The following KCNK13 variants were observed in gnomAD, a reference collection of about 807,000 sequenced individuals.
KCNK13 encodes the protein potassium channel subfamily K member 13.
In KCNK13, 12 loss-of-function variants were observed where a neutral mutation model predicts 23.4. That is an observed-to-expected ratio of 0.51 (90% CI 0.33 to 0.83). KCNK13 has a LOEUF of 0.83. Among genes scored for constraint, KCNK13 ranks in the 40% least tolerant of loss-of-function variants. KCNK13 has a pLI of 0.02. For synonymous variants in KCNK13, 231 were observed against 229.5 expected, an observed-to-expected ratio of 1.01 and a Z score of -0.06; for missense variants, 463 against 556.3, an observed-to-expected ratio of 0.83 and a Z score of 1.69.
intron 1 of KCNK13, among the ~76,000 whole-genome samples, chr14:90,180,183 C>T (rs190227597): frequency 3.3e-5 from 5 of 152,258 alleles, no homozygotes; most frequent in African/African-American, 1.2e-4. Flanking sequence ...GTTTTTTTCT[C>T]ATTTGTCAAA....
chr14:90,149,786 G>C (rs139382444), intron 1 of KCNK13, among the ~76,000 whole-genome samples: 1 of 152,164 alleles, frequency 6.6e-6, no homozygotes, highest in Non-Finnish European at 1.5e-5. Context: ...AATTCAGAAG[G>C]CATTTTTAAG....
chr14:90,178,868 TA>T (rs879381197), intron 1 of KCNK13, among the ~76,000 whole-genome samples: 3 of 152,052 alleles, frequency 2.0e-5, no homozygotes, highest in Non-Finnish European at 2.9e-5. Flanking sequence ...GATTAAAGTC[TA>T]CAGGACACAA....
chr14:90,068,084 C>T (rs1889029107), intron 1 of KCNK13, among the ~76,000 whole-genome samples: 1 of 152,100 alleles, frequency 6.6e-6, no homozygotes, highest in African/African-American at 2.4e-5. Flanking sequence ...GCACATGCTT[C>T]CAGGATTGCT....
chr14:90,077,206 G>A (rs1889149099), intron 1 of KCNK13, among the ~76,000 whole-genome samples: 1 of 142,256 alleles, frequency 7.0e-6, no homozygotes. Flanking sequence ...TGCAGCCTCC[G>A]CCTCCCGGGT....
intron 1 of KCNK13, among the ~76,000 whole-genome samples, chr14:90,173,972 A>C (rs1683141540): frequency 6.6e-6 from 1 of 152,198 alleles, no homozygotes. Flanking sequence ...ACATGGCAGC[A>C]GGCAAGAGAA....
intron 1 of KCNK13, among the ~76,000 whole-genome samples, chr14:90,104,931 AG>A (rs1220434449): frequency 6.9e-5 from 10 of 145,928 alleles, no homozygotes; most frequent in African/African-American, 2.3e-4. Context: ...CTGGGATTAC[AG>A]GCATGCACCA....
intron 1 of KCNK13, among the ~76,000 whole-genome samples, chr14:90,092,322 A>G (rs1490656326): frequency 1.3e-5 from 2 of 152,224 alleles, no homozygotes; most frequent in Admixed American, 1.3e-4. Flanking sequence ...GGAGGTAGAG[A>G]GAAACCCACT....
intron 1 of KCNK13, among the ~76,000 whole-genome samples, chr14:90,173,530 C>T (rs879354929): frequency 3.3e-5 from 5 of 152,072 alleles, no homozygotes; most frequent in Non-Finnish European, 5.9e-5. Context: ...AAAATGTTAT[C>T]GAACTGAACT....
chr14:90,144,495 C>CTCTTTTT (rs1555352214), intron 1 of KCNK13, among the ~76,000 whole-genome samples: 53 of 119,226 alleles, frequency 4.4e-4, no homozygotes, highest in African/African-American at 1.6e-3. Flanking sequence ...TTTACTTTCT[C>CTCTTTTT]TTTTTTTTTT....
intron 1 of KCNK13, among the ~76,000 whole-genome samples, chr14:90,085,807 TTATATTATATATTA>T (rs58459819): frequency 1.6e-3 from 200 of 128,744 alleles, no homozygotes; most frequent in African/African-American, 4.5e-3. Context: ...ATATTATATA[TTATATTATATATTA>T]TATATTATAT....
intron 1 of KCNK13, among the ~76,000 whole-genome samples, chr14:90,142,537 C>T (rs1239555694): frequency 2.0e-5 from 3 of 151,294 alleles, no homozygotes; most frequent in African/African-American, 7.3e-5. Flanking sequence ...CCAGGATAGT[C>T]TCGATCTCCT....
intron 1 of KCNK13, among the ~76,000 whole-genome samples, chr14:90,133,002 C>T (rs531292158): frequency 4.4e-4 from 67 of 152,274 alleles, no homozygotes; most frequent in Non-Finnish European, 7.3e-4. Context: ...GCATGAGTCA[C>T]GGCTTCATAG....
At chr14:90,162,596 G>A (rs1045604454) in intron 1 of KCNK13, among the ~76,000 whole-genome samples, 1 of 152,128 alleles carries the variant, frequency 6.6e-6, no homozygotes, top group Non-Finnish European at 1.5e-5. Context: ...ATTTAAAATA[G>A]TGATAAGAAA....
At chr14:90,087,129 C>CATATATATATAT (rs141670518) in intron 1 of KCNK13, among the ~76,000 whole-genome samples, 1 of 124,706 alleles carries the variant, frequency 8.0e-6, no homozygotes, top group African/African-American at 3.1e-5. Context: ...TATATATATA[C>CATATATATATAT]ATATATATAT....
At chr14:90,145,872 A>G (rs538363936) in intron 1 of KCNK13, among the ~76,000 whole-genome samples, 13 of 152,040 alleles carry the variant, frequency 8.6e-5, no homozygotes, top group Admixed American at 2.6e-4. Flanking sequence ...GTGGTGGTGC[A>G]TACTAGTAGT....
intron 1 of KCNK13, among the ~76,000 whole-genome samples, chr14:90,119,714 C>T (rs547268954): frequency 4.8e-4 from 73 of 152,248 alleles, no homozygotes; most frequent in African/African-American, 1.7e-3. Flanking sequence ...ATTCTCCTGC[C>T]TCAGCCTCCC....
Position 90,184,342 on chromosome 14 carries a change from G to A in KCNK13, c.566G>A (p.Gly189Asp). The A allele has an allele frequency of 6.2e-7, 1 of 1,614,228 alleles. No individual in the cohort carries two copies. Among genetic ancestry groups the A allele is most frequent in the Non-Finnish European group, 8.5e-7 (1 of 1,180,046 alleles). Residue 189 changes from glycine to aspartate, a missense_variant, in exon 2 of 2, where the codon GGC (glycine) becomes GAC (aspartate). Coordinates refer to ENST00000282146, the MANE Select transcript of KCNK13 (RefSeq NM_022054.4). The surrounding 1 kb of genome is among the most constrained non-coding windows in gnomAD (Gnocchi z 5.6). ...AGQCEVDSLAGWKPSVYYVML... is the reference protein window; with the variant it reads ...AGQCEVDSLADWKPSVYYVML... ...CAGTGTGAGGTGGACAGCCTGGCCGGCTGGAAGCCCTCCGTGTACTACGTC... is the reference window on the plus strand; with the variant it reads ...CAGTGTGAGGTGGACAGCCTGGCCGACTGGAAGCCCTCCGTGTACTACGTC...
Position 90,184,132 on chromosome 14 carries a change from C to T in KCNK13, c.356C>T (p.Ala119Val), listed in dbSNP as rs541534783. The change falls in exon 2 of 2, where the codon GCG becomes GTG. Residue 119 changes from alanine (A) to valine (V), a missense_variant. By Grantham distance (64) the Ala-to-Val change is moderately conservative. Around this residue, in one of 3 missense-constraint regions of KCNK13, gnomAD observed 144 missense variants for 224.0 expected, o/e 0.64. Coordinates refer to ENST00000282146, the MANE Select transcript of KCNK13 (RefSeq NM_022054.4). The surrounding 1 kb of genome is among the most constrained non-coding windows in gnomAD (Gnocchi z 5.6). Reference protein sequence around the residue: ...STIGFGMTTPATVGGKIFLIF... With the variant: ...STIGFGMTTPVTVGGKIFLIF... The stretch of plus-strand genomic sequence containing the variant: ...GCAGGGTTTGGGATGACAACTCCGG[C>T]GACAGTAGGAGGAAAAATCTTTCTG... 1.6e-5 allele frequency: 26 copies of T among 1,613,082 alleles called. No homozygotes were observed. The highest frequency in any genetic ancestry group is 6.7e-5 in the African/African-American group (5 of 75,022).
intron 1 of KCNK13, among the ~76,000 whole-genome samples, chr14:90,126,509 T>C (rs1389793099): frequency 6.8e-6 from 1 of 147,560 alleles, no homozygotes; most frequent in Non-Finnish European, 1.5e-5. Context: ...TGGCCTTCTT[T>C]CCCAAAACCC....
Sources: gnomAD v4.1 joint callset for allele counts (sites outside exome capture counted in the v4.1 genomes callset) on GRCh38, gnomAD v4.1.1 for gene constraint, gnomAD v4.1.1 regional missense constraint, Gnocchi (gnomAD v3.1) non-coding constraint, MANE v1.5 for transcripts, NCBI Gene and HGNC (gene_info 2026-07-23, HGNC 2026-07-21) for gene names.